The following PABPC4L variants were observed in gnomAD, a reference collection of about 807,000 sequenced individuals.
PABPC4L encodes the protein poly(A) binding protein cytoplasmic 4 like.
For missense variants in PABPC4L, 452 were observed against 451.4 expected, an observed-to-expected ratio of 1.00 and a Z score of -0.01; for synonymous variants, 169 against 164.1, an observed-to-expected ratio of 1.03 and a Z score of -0.23.
At chr4:134,167,526 C>A in the PABPC4L span, among the ~76,000 whole-genome samples, 2 of 151,722 alleles carry the variant, frequency 1.3e-5, no homozygotes, top group African/African-American at 4.8e-5. Flanking sequence ...CAAGTATATG[C>A]TGTGTATAAG....
At chr4:134,069,687 T>TA in the PABPC4L span, among the ~76,000 whole-genome samples, 1 of 152,192 alleles carries the variant, frequency 6.6e-6, no homozygotes, top group Non-Finnish European at 1.5e-5. Context: ...GGTTCTTTCT[T>TA]AAAATGACCA....
the PABPC4L span, among the ~76,000 whole-genome samples, chr4:134,094,509 A>T: frequency 6.6e-6 from 1 of 151,954 alleles, no homozygotes; most frequent in African/African-American, 2.4e-5. Flanking sequence ...AACACTTCTG[A>T]TGAAGTTATG....
At chr4:134,114,059 G>A in the PABPC4L span, among the ~76,000 whole-genome samples, 1 of 151,764 alleles carries the variant, frequency 6.6e-6, no homozygotes, top group Non-Finnish European at 1.5e-5. Context: ...CAAGAAGCAA[G>A]TGGAAAGATA....
chr4:133,990,382 A>C, the PABPC4L span, among the ~76,000 whole-genome samples: 1 of 152,190 alleles, frequency 6.6e-6, no homozygotes, highest in Non-Finnish European at 1.5e-5. Flanking sequence ...GAGGTACAAT[A>C]AATGATGCTC....
At chr4:133,971,995 C>A in the PABPC4L span, among the ~76,000 whole-genome samples, 8 of 152,018 alleles carry the variant, frequency 5.3e-5, no homozygotes, top group Non-Finnish European at 1.0e-4. Flanking sequence ...AAATAAATTA[C>A]CAACATTCAA....
the PABPC4L span, among the ~76,000 whole-genome samples, chr4:134,124,216 C>T: frequency 6.6e-6 from 1 of 151,966 alleles, no homozygotes; most frequent in Non-Finnish European, 1.5e-5. Context: ...AGTCAAGAGG[C>T]CAAGGGACAA....
At chr4:134,059,409 G>A in the PABPC4L span, among the ~76,000 whole-genome samples, 2 of 135,234 alleles carry the variant, frequency 1.5e-5, no homozygotes, top group African/African-American at 2.6e-5. Flanking sequence ...TATATATAGT[G>A]TGCGTGTATA....
At chr4:134,058,755 A>ATCTT in the PABPC4L span, among the ~76,000 whole-genome samples, 1 of 152,126 alleles carries the variant, frequency 6.6e-6, no homozygotes, top group African/African-American at 2.4e-5. Flanking sequence ...ATTGAGAAAT[A>ATCTT]TCTTTACTAT....
the PABPC4L span, among the ~76,000 whole-genome samples, chr4:134,061,622 G>C: frequency 1.7e-3 from 19 of 11,098 alleles, no homozygotes; most frequent in Non-Finnish European, 2.2e-3. Context: ...AACATACACA[G>C]AGAGAGAGAG....
chr4:134,106,100 C>A, the PABPC4L span, among the ~76,000 whole-genome samples: 1 of 151,570 alleles, frequency 6.6e-6, no homozygotes, highest in African/African-American at 2.4e-5. Context: ...AATATTAATT[C>A]ATAGCCTGGT....
the PABPC4L span, among the ~76,000 whole-genome samples, chr4:134,125,821 G>A: frequency 6.6e-6 from 1 of 151,898 alleles, no homozygotes; most frequent in African/African-American, 2.4e-5. Flanking sequence ...AATTGATAAA[G>A]ACATTCATTT....
downstream of PABPC4L, among the ~76,000 whole-genome samples, chr4:134,193,586 T>C (rs1729573464): frequency 6.6e-6 from 1 of 151,862 alleles, no homozygotes; most frequent in Non-Finnish European, 1.5e-5. Context: ...AGAAGATCAT[T>C]TACATATTTC....
the PABPC4L span, among the ~76,000 whole-genome samples, chr4:134,053,361 G>C: frequency 2.6e-5 from 4 of 152,042 alleles, no homozygotes; most frequent in Admixed American, 1.3e-4. Flanking sequence ...ATAGAGCAAG[G>C]TCTCCTCAAT....
chr4:134,087,884 C>T, the PABPC4L span, among the ~76,000 whole-genome samples: 1 of 152,106 alleles, frequency 6.6e-6, no homozygotes, highest in Non-Finnish European at 1.5e-5. Flanking sequence ...ATGGGACATA[C>T]ATTCTACGTT....
the PABPC4L span, among the ~76,000 whole-genome samples, chr4:134,134,811 G>A: frequency 6.6e-6 from 1 of 151,690 alleles, no homozygotes; most frequent in South Asian, 2.1e-4. Context: ...ACAGAAAGTG[G>A]TTCTTTCTTG....
chr4:134,079,345 G>T, the PABPC4L span, among the ~76,000 whole-genome samples: 1 of 151,140 alleles, frequency 6.6e-6, no homozygotes, highest in East Asian at 2.0e-4. Context: ...ACTTTGGGAG[G>T]CTGAGACAGG....
At chr4:134,102,552 A>G in the PABPC4L span, among the ~76,000 whole-genome samples, 3 of 151,696 alleles carry the variant, frequency 2.0e-5, no homozygotes, top group East Asian at 3.9e-4. Flanking sequence ...AAGGAAGAGT[A>G]ATGATTTTGA....
At chr4:134,112,782 TA>T in the PABPC4L span, among the ~76,000 whole-genome samples, 1 of 151,954 alleles carries the variant, frequency 6.6e-6, no homozygotes, top group Non-Finnish European at 1.5e-5. Context: ...AGAATAGTAT[TA>T]GAATAGTCTA....
the PABPC4L span, among the ~76,000 whole-genome samples, chr4:134,147,038 A>G: frequency 6.6e-6 from 1 of 152,116 alleles, no homozygotes; most frequent in Non-Finnish European, 1.5e-5. Flanking sequence ...AGTGAAGTGT[A>G]CTTTATTTTT....
Sources: gnomAD v4.1 joint callset for allele counts (sites outside exome capture counted in the v4.1 genomes callset) on GRCh38, gnomAD v4.1.1 for gene constraint, MANE v1.5 for transcripts, NCBI Gene and HGNC (gene_info 2026-07-23, HGNC 2026-07-21) for gene names.